The following TMEM106B variants were observed in gnomAD, a reference collection of about 807,000 sequenced individuals.
The protein encoded by TMEM106B is transmembrane protein 106B.
TMEM106B carries 15 observed loss-of-function variants against 31.1 expected under a neutral mutation model. The ratio of observed to expected loss-of-function variants is 0.48; its 90% CI spans 0.32 to 0.74. The LOEUF (loss-of-function observed/expected upper bound fraction) is 0.74, where lower values mean the gene tolerates loss of function less well. Among genes scored for constraint, TMEM106B ranks in the 30% least tolerant of loss-of-function variants. The pLI, the probability that TMEM106B is intolerant of heterozygous loss-of-function variation, is 0.03. For synonymous variants in TMEM106B, 126 were observed against 112.5 expected, an observed-to-expected ratio of 1.12 and a Z score of -0.76; for missense variants, 283 against 327.3, an observed-to-expected ratio of 0.86 and a Z score of 1.04.
chr7:12,231,700 T>C, intron 7 of TMEM106B, 137 bp from the exon 8 acceptor site: 3 of 694,734 alleles, frequency 4.3e-6, no homozygotes, highest in South Asian at 3.1e-5. Flanking sequence ...CTTAAGAGGA[T>C]TGTGTGCACA....
At chr7:12,229,554 A>G in intron 4 of TMEM106B, 125 bp from the exon 5 acceptor site, 1 of 770,990 alleles carries the variant, frequency 1.3e-6, no homozygotes, top group Non-Finnish European at 2.0e-6. Flanking sequence ...TTTCTTTGAC[A>G]TTTTGGTATT....
intron 2 of TMEM106B, among the ~76,000 whole-genome samples, chr7:12,217,876 A>G (rs1414591645): frequency 1.3e-5 from 2 of 152,186 alleles, no homozygotes; most frequent in African/African-American, 4.8e-5. Flanking sequence ...ACTTATGGAT[A>G]TAGCTCAACC....
chr7:12,240,932 T>C lies in TMEM106B; in HGVS notation c.*8957T>C, dbSNP rs187788165. Reference sequence around the variant, plus strand: ...TGAGTGTGATTCAACAAAACTGCTTTGGTTTATGGGTGAAACATAATTTAT... The same window carrying C: ...TGAGTGTGATTCAACAAAACTGCTTCGGTTTATGGGTGAAACATAATTTAT... On this transcript the variant is annotated 3_prime_UTR_variant, in exon 8 of 8. Coordinates refer to ENST00000396668, the MANE Select transcript of TMEM106B (RefSeq NM_001134232.2). 237 of 152,278 alleles carry C rather than the reference T, an allele frequency of 1.6e-3. No homozygotes were observed. The highest frequency in any genetic ancestry group is 5.5e-3 in the African/African-American group (228 of 41,556). The allele number at this position is 152,278 out of a possible 1,614,324, so 9.4% of individuals were successfully genotyped here.
At chr7:12,231,706 G>A in intron 7 of TMEM106B, 131 bp from the exon 8 acceptor site, 3 of 741,106 alleles carry the variant, frequency 4.0e-6, no homozygotes, top group Non-Finnish European at 6.2e-6. Flanking sequence ...AGGATTGTGT[G>A]CACAATATTA....
chr7:12,237,806 A>AACAC lies in TMEM106B; in HGVS notation c.*5832_*5833insCACA, dbSNP rs1782166702. 9.7e-6 allele frequency: 1 copy of AACAC among 103,562 alleles called. No individual in the cohort carries two copies. The highest frequency in any genetic ancestry group is 4.0e-5 in the African/African-American group (1 of 25,066). The allele number at this position is 103,562 out of a possible 1,614,324, so 6.4% of individuals were successfully genotyped here. ...GTCAACATGGCGAGACCCCATATAA[A>AACAC]ATATATACATACACACACACACACA... On this transcript the variant is annotated 3_prime_UTR_variant, in exon 8 of 8. Coordinates refer to ENST00000396668, the MANE Select transcript of TMEM106B (RefSeq NM_001134232.2).
chr7:12,224,345 G>A lies in TMEM106B; in HGVS notation c.401G>A (p.Ser134Asn), dbSNP rs147889591. Residue 134 changes from serine (S) to asparagine (N), a missense_variant, in exon 4 of 8, where the codon AGT becomes AAT. Around this residue, in one of 3 missense-constraint regions of TMEM106B, gnomAD observed 201 missense variants for 211.5 expected, o/e 0.95. Coordinates refer to ENST00000396668, the MANE Select transcript of TMEM106B (RefSeq NM_001134232.2). Reference sequence around the variant, plus strand: ...ATTGGTGTAAAATCAGCCTATGTCAGTTATGATGTTCAGAAGCGTACAATT... The same window carrying A: ...ATTGGTGTAAAATCAGCCTATGTCAATTATGATGTTCAGAAGCGTACAATT... ...KYIGVKSAYVSYDVQKRTIYL... is the reference protein window; with the variant it reads ...KYIGVKSAYVNYDVQKRTIYL... 0.015 allele frequency: 23,655 copies of A among 1,613,354 alleles called. 218 individuals carry two copies. Among genetic ancestry groups the A allele is most frequent in the Non-Finnish European group, 0.017 (19,571 of 1,179,410 alleles).
chr7:12,222,961 CAATAA>C (rs1781816961), intron 3 of TMEM106B, among the ~76,000 whole-genome samples: 1 of 151,808 alleles, frequency 6.6e-6, no homozygotes, highest in Non-Finnish European at 1.5e-5. Context: ...GTGGAAGAAA[CAATAA>C]AATGGAAAAT....
At position 12,237,810 on chromosome 7, in the gene TMEM106B, TATACATACACAC is replaced by T. The variant is rs1224075254; in HGVS notation, c.*5837_*5848del. The T allele has an allele frequency of 0.027, 3,130 of 117,914 alleles. 73 individuals carry two copies. The highest frequency in any genetic ancestry group is 0.074 in the African/African-American group (1,955 of 26,344). 7.3% of individuals were successfully genotyped at this position (117,914 alleles called of 1,614,324 possible). A position where few individuals can be genotyped will look rare whatever the true frequency, so the allele number is the denominator to read the frequency against. On this transcript the variant is annotated 3_prime_UTR_variant, in exon 8 of 8. Coordinates refer to ENST00000396668, the MANE Select transcript of TMEM106B (RefSeq NM_001134232.2). ...ACATGGCGAGACCCCATATAAAATA[TATACATACACAC>T]ACACACACACACACACACACACACA...
chr7:12,224,555 T>G (rs2128526069), intron 4 of TMEM106B, among the ~76,000 whole-genome samples, 170 bp downstream of exon 4: 1 of 152,282 alleles, frequency 6.6e-6, no homozygotes, highest in African/African-American at 2.4e-5. Flanking sequence ...CTGCTAAAAA[T>G]AGCAATAATA....
chr7:12,214,061 A>G (rs1386132749), intron 1 of TMEM106B: 5 of 152,186 alleles, frequency 3.3e-5, no homozygotes, highest in Non-Finnish European at 7.3e-5. Context: ...TGACTCTAAT[A>G]TAGAATCACT....
At chr7:12,219,895 G>A (rs951625177) in intron 3 of TMEM106B, among the ~76,000 whole-genome samples, 3 of 151,968 alleles carry the variant, frequency 2.0e-5, no homozygotes, top group African/African-American at 7.2e-5. Flanking sequence ...GAATAGAACT[G>A]GACAAATGCA....
intron 3 of TMEM106B, among the ~76,000 whole-genome samples, chr7:12,218,739 A>C (rs558891559): frequency 4.3e-4 from 65 of 152,118 alleles, no homozygotes; most frequent in Non-Finnish European, 9.0e-4. Context: ...TATCTTCTCA[A>C]ATCTATGGAA....
intron 1 of TMEM106B, among the ~76,000 whole-genome samples, chr7:12,213,967 GC>G (rs1484171822): frequency 6.6e-6 from 1 of 152,250 alleles, no homozygotes; most frequent in East Asian, 1.9e-4. Context: ...TGGAATTCAG[GC>G]ACAACTGACC....
At chr7:12,225,395 T>G (rs779794653) in intron 4 of TMEM106B, among the ~76,000 whole-genome samples, 38 of 152,180 alleles carry the variant, frequency 2.5e-4, no homozygotes, top group Non-Finnish European at 5.1e-4. Context: ...GTAATGGGAT[T>G]GCTGGGTCAA....
At chr7:12,222,285 G>A (rs11509880) in intron 3 of TMEM106B, among the ~76,000 whole-genome samples, 70,682 of 151,952 alleles carry the variant, frequency 0.47, 18,457 homozygotes, top group African/African-American at 0.7. Flanking sequence ...ATCATTACTA[G>A]TTAATTTTGT....
At chr7:12,221,298 C>G (rs1781783637) in intron 3 of TMEM106B, among the ~76,000 whole-genome samples, 1 of 152,000 alleles carries the variant, frequency 6.6e-6, no homozygotes, top group Admixed American at 6.6e-5. Flanking sequence ...GAGTTGTGTT[C>G]CAAATGGCAA....
intron 6 of TMEM106B, 49 bp from the exon 7 acceptor site, chr7:12,231,013 T>C (rs1782010837): frequency 7.6e-7 from 1 of 1,315,462 alleles, no homozygotes; most frequent in East Asian, 2.4e-5. Flanking sequence ...GAATTTTTAA[T>C]TTATAATGTA....
chr7:12,235,503 C>A lies in TMEM106B; in HGVS notation c.*3528C>A, dbSNP rs1299214238. On this transcript the variant is annotated 3_prime_UTR_variant, in exon 8 of 8. Coordinates refer to ENST00000396668, the MANE Select transcript of TMEM106B (RefSeq NM_001134232.2). Reference sequence around the variant, plus strand: ...TCTGATTTACAGTTTGGAAAGGACACCGCAATGTTCAAATAGGTAGGAGAC... The same window carrying A: ...TCTGATTTACAGTTTGGAAAGGACAACGCAATGTTCAAATAGGTAGGAGAC... The A allele has an allele frequency of 6.6e-6, 1 of 151,696 alleles. No homozygotes were observed. The highest frequency in any genetic ancestry group is 1.9e-4 in the East Asian group (1 of 5,180). 9.4% of individuals were successfully genotyped at this position (151,696 alleles called of 1,614,324 possible).
intron 2 of TMEM106B, among the ~76,000 whole-genome samples, chr7:12,216,211 G>A (rs1781684558): frequency 6.6e-6 from 1 of 152,028 alleles, no homozygotes; most frequent in Non-Finnish European, 1.5e-5. Flanking sequence ...CAGGGGGTAG[G>A]GGAGTACTGT....
Sources: allele counts gnomAD v4.1 joint callset (sites outside exome capture counted in the v4.1 genomes callset), GRCh38; gene constraint gnomAD v4.1.1; regional missense constraint gnomAD v4.1.1; transcripts MANE v1.5; gene names NCBI Gene and HGNC (gene_info 2026-07-23, HGNC 2026-07-21).